CHRM2: variants seen among roughly 807,000 people sequenced by gnomAD.
The protein encoded by CHRM2 is cholinergic receptor muscarinic 2.
CHRM2 carries 8 observed loss-of-function variants against 25.0 expected under a neutral mutation model. That is an observed-to-expected ratio of 0.32 (90% CI 0.19 to 0.58). The LOEUF (loss-of-function observed/expected upper bound fraction) is 0.58. Among genes scored for constraint, CHRM2 ranks in the 20% least tolerant of loss-of-function variants. The pLI, the probability that CHRM2 is intolerant of heterozygous loss-of-function variation, is 0.88. For missense variants in CHRM2, 440 were observed against 567.1 expected (o/e 0.78, Z 2.28); for synonymous variants, 202 against 205.7 (o/e 0.98, Z 0.15).
At position 137,017,189 on chromosome 7, in the gene CHRM2, C is replaced by G. The variant is rs1482931694; in HGVS notation, c.*923C>G. The G allele has an allele frequency of 6.6e-6, 1 of 151,990 alleles. No homozygotes were observed. Among genetic ancestry groups the G allele is most frequent in the East Asian group, 1.9e-4 (1 of 5,146 alleles). 9.4% of individuals were successfully genotyped at this position (151,990 alleles called of 1,614,324 possible). Reference sequence around the variant, plus strand: ...AACATAAACCTGTTTAAGAAACCATCGTCACTGTAAAGTTGAGGTTTCATC... The same window carrying G: ...AACATAAACCTGTTTAAGAAACCATGGTCACTGTAAAGTTGAGGTTTCATC... On this transcript the variant is annotated 3_prime_UTR_variant, in exon 4 of 4. Transcript: ENST00000680005.
chr7:136,954,344 A>G (rs944902012), intron 2 of CHRM2, among the ~76,000 whole-genome samples: 28 of 152,158 alleles, frequency 1.8e-4, no homozygotes, highest in African/African-American at 2.9e-4. Flanking sequence ...TGAAATCTCA[A>G]ACTTTCACCA....
chr7:136,952,315 A>C (rs1467496300), intron 2 of CHRM2, among the ~76,000 whole-genome samples: 1 of 152,088 alleles, frequency 6.6e-6, no homozygotes, highest in African/African-American at 2.4e-5. Flanking sequence ...TTTCCCTCTT[A>C]TTTCCTCATT....
intron 2 of CHRM2, among the ~76,000 whole-genome samples, chr7:136,953,180 T>C (rs1275830513): frequency 6.6e-6 from 1 of 152,180 alleles, no homozygotes; most frequent in Non-Finnish European, 1.5e-5. Flanking sequence ...GATAGACTTG[T>C]AGACTGGCTC....
chr7:136,879,816 T>A (rs1301527954), intron 2 of CHRM2, among the ~76,000 whole-genome samples: 1 of 151,964 alleles, frequency 6.6e-6, no homozygotes, highest in African/African-American at 2.4e-5. Flanking sequence ...CAAATAAATT[T>A]ATCATCTAGC....
intron 3 of CHRM2, among the ~76,000 whole-genome samples, chr7:137,005,095 G>A (rs1804333078): frequency 6.6e-6 from 1 of 152,012 alleles, no homozygotes; most frequent in African/African-American, 2.4e-5. Flanking sequence ...TTAGCTATAT[G>A]GGGGTGAACT....
intron 2 of CHRM2, among the ~76,000 whole-genome samples, chr7:136,939,283 T>G (rs1487265023): frequency 6.6e-6 from 1 of 152,214 alleles, no homozygotes; most frequent in Non-Finnish European, 1.5e-5. Context: ...CTTACACAGG[T>G]GTGGAGCTAT....
At chr7:136,907,224 T>C (rs1361570847) in intron 2 of CHRM2, among the ~76,000 whole-genome samples, 1 of 151,866 alleles carries the variant, frequency 6.6e-6, no homozygotes, top group Non-Finnish European at 1.5e-5. Flanking sequence ...CATAAACCAG[T>C]ATTGGTCTGT....
intron 2 of CHRM2, among the ~76,000 whole-genome samples, chr7:136,984,237 T>C (rs539153042): frequency 9.3e-4 from 141 of 152,242 alleles, no homozygotes; most frequent in African/African-American, 3.0e-3. Context: ...TTGTTTGCAC[T>C]GTGAGGGGAA....
chr7:136,888,221 G>A lies in CHRM2; in HGVS notation c.-125+18803G>A, dbSNP rs143669297. 5.0e-3 allele frequency among the ~76,000 whole-genome samples: 767 copies of A among 152,252 alleles called. 11 individuals are homozygous for A. The highest frequency in any genetic ancestry group is 0.018 in the African/African-American group (731 of 41,544). ...CCCATCGAGTCGTAGCTTAGTCCAT[G>A]GACCCCTATCATGAAACCTAAGAAA... On this transcript the variant is annotated intron_variant, in intron 2 of 3. Coordinates refer to ENST00000680005, the MANE Select transcript of CHRM2 (RefSeq NM_001006630.2).
intron 2 of CHRM2, among the ~76,000 whole-genome samples, chr7:136,880,422 G>A (rs926543607): frequency 3.3e-5 from 5 of 151,816 alleles, no homozygotes; most frequent in African/African-American, 9.7e-5. Flanking sequence ...TTATATTAGT[G>A]TGACTTACTC....
In CHRM2 at chr7:136,939,907, T is replaced by C. The variant is rs111521679; in HGVS notation, c.-124-52280T>C. Among the ~76,000 whole-genome samples, 7 of 152,370 alleles carry C rather than the reference T, an allele frequency of 4.6e-5. 1 individual carries two copies. Among genetic ancestry groups the C allele is most frequent in the East Asian group, 1.9e-4 (1 of 5,192 alleles). ...AACAATTATATCCAGTGAATATTGA[T>C]TGTATAACAATTTTAGTCTAGGAAC... On this transcript the variant is annotated intron_variant, in intron 2 of 3. Coordinates refer to ENST00000680005, the MANE Select transcript of CHRM2 (RefSeq NM_001006630.2).
chr7:136,873,228 C>T (rs1477703723), intron 2 of CHRM2, among the ~76,000 whole-genome samples: 1 of 152,188 alleles, frequency 6.6e-6, no homozygotes, highest in Non-Finnish European at 1.5e-5. Flanking sequence ...GGACTTCTCT[C>T]ATTTAAGATA....
At chr7:136,932,107 T>A (rs1799140676) in intron 2 of CHRM2, among the ~76,000 whole-genome samples, 1 of 152,142 alleles carries the variant, frequency 6.6e-6, no homozygotes, top group African/African-American at 2.4e-5. Context: ...ACAAAAATAA[T>A]AATCTGATTC....
rs1554434050 is a variant in CHRM2 at position 137,000,547 on chromosome 7, A to AGAAGGAAGGAAGGAAAGAAG, written c.-47+8298_-47+8299insAGAAGGAAGGAAGGAAGGAA. Among the ~76,000 whole-genome samples the AGAAGGAAGGAAGGAAAGAAG allele has an allele frequency of 2.4e-3, 226 of 95,208 alleles. 2 individuals carry two copies. The highest frequency in any genetic ancestry group is 7.8e-3 in the African/African-American group (217 of 27,656). 62.5% of individuals were successfully genotyped at this position (95,208 alleles called of 152,430 possible). A position where few individuals can be genotyped will look rare whatever the true frequency, so the allele number is the denominator to read the frequency against. On this transcript the variant is annotated intron_variant, in intron 3 of 3. Transcript: ENST00000680005. Reference sequence around the variant, plus strand: ...AAAAAGAAAGAAAGAAAAGAAAGAAAGAAGGAAGGAAGGAAGGAAGGAAGG... The same window carrying AGAAGGAAGGAAGGAAAGAAG: ...AAAAAGAAAGAAAGAAAAGAAAGAAAGAAGGAAGGAAGGAAAGAAGGAAGGAAGGAAGGAAGGAAGGAAGG...
chr7:136,984,330 T>C (rs1177427948), intron 2 of CHRM2, among the ~76,000 whole-genome samples: 1 of 152,156 alleles, frequency 6.6e-6, no homozygotes, highest in Non-Finnish European at 1.5e-5. Flanking sequence ...CAGACTGCTG[T>C]GCTGGCAGCG....
chr7:137,000,528 A>G (rs1242133918), intron 3 of CHRM2, among the ~76,000 whole-genome samples: 4 of 85,956 alleles, frequency 4.7e-5, no homozygotes, highest in Admixed American at 3.9e-4. Context: ...AAAAAAAAAG[A>G]AAGAAAGAAA....
chr7:136,883,247 C>T (rs2130516980), intron 2 of CHRM2, among the ~76,000 whole-genome samples: 1 of 152,256 alleles, frequency 6.6e-6, no homozygotes, highest in African/African-American at 2.4e-5. Flanking sequence ...AAGGTTTTGG[C>T]ATCTTTCCCT....
chr7:136,924,259 C>T (rs1024009644), intron 2 of CHRM2, among the ~76,000 whole-genome samples: 1 of 151,474 alleles, frequency 6.6e-6, no homozygotes, highest in African/African-American at 2.4e-5. Context: ...ATGTGCACAA[C>T]GTGCAGGTTA....
At chr7:136,943,089 CA>C (rs1484218400) in intron 2 of CHRM2, among the ~76,000 whole-genome samples, 3 of 152,146 alleles carry the variant, frequency 2.0e-5, no homozygotes, top group African/African-American at 7.2e-5. Flanking sequence ...TGGATACCTC[CA>C]GTGTCAGGAA....
Sources: gnomAD v4.1 joint callset for allele counts (sites outside exome capture counted in the v4.1 genomes callset) on GRCh38, gnomAD v4.1.1 for gene constraint, MANE v1.5 for transcripts, NCBI Gene and HGNC (gene_info 2026-07-23, HGNC 2026-07-21) for gene names.